PSD3: variants seen among roughly 807,000 people sequenced by gnomAD.
PSD3 encodes the protein PH and SEC7 domain-containing protein 3.
A neutral mutation model predicts 105.5 loss-of-function variants in PSD3; 49 were observed. The observed-to-expected ratio is 0.46, with a 90% CI of 0.37 to 0.59. The LOEUF (loss-of-function observed/expected upper bound fraction) is 0.59, where lower values mean the gene tolerates loss of function less well. PSD3 is among the 20% of genes least tolerant of loss of function. The pLI, the probability that PSD3 is intolerant of heterozygous loss-of-function variation, is 0.00. For synonymous variants in PSD3, 557 were observed against 457.8 expected (o/e 1.22, Z -2.77); for missense variants, 1,561 against 1,263.8 (o/e 1.24, Z -3.57).
At chr8:18,620,818 G>A (rs1286521293) in intron 11 of PSD3, among the ~76,000 whole-genome samples, 1 of 152,096 alleles carries the variant, frequency 6.6e-6, no homozygotes, top group African/African-American at 2.4e-5. Context: ...ATTCCTTTAG[G>A]AAACTAGTAC....
At chr8:19,064,795 G>T (rs532998502) in intron 1 of PSD3, among the ~76,000 whole-genome samples, 15 of 151,306 alleles carry the variant, frequency 9.9e-5, no homozygotes, top group Admixed American at 3.3e-4. Flanking sequence ...GTCCAAACAT[G>T]AAATGCCAGG....
chr8:18,949,354 A>T (rs1024974417), intron 1 of PSD3, among the ~76,000 whole-genome samples: 10 of 145,798 alleles, frequency 6.9e-5, no homozygotes, highest in African/African-American at 2.5e-4. Context: ...CTACTTACAC[A>T]GTATTAATCA....
intron 4 of PSD3, among the ~76,000 whole-genome samples, chr8:18,806,468 A>T (rs1385350096): frequency 1.3e-5 from 2 of 152,220 alleles, no homozygotes; most frequent in Non-Finnish European, 2.9e-5. Context: ...AGGATACATT[A>T]ATTTCCAAAT....
Position 18,723,534 on chromosome 8 carries a change from G to C in PSD3, c.2172+41915C>G, listed in dbSNP as rs544233827. 2.6e-5 allele frequency among the ~76,000 whole-genome samples: 4 copies of C among 152,184 alleles called. No homozygotes were observed. In the South Asian group the frequency reaches 8.3e-4, roughly 32 times the overall value. On this transcript the variant is annotated intron_variant, in intron 9 of 15. Coordinates refer to ENST00000327040, the MANE Select transcript of PSD3 (RefSeq NM_015310.4). ...CTTAGCACAGAGCGACATCCTGAAA[G>C]AAATACAAAAAGACATATGACAGAG... is the stretch of plus-strand genomic sequence containing the variant.
intron 1 of PSD3, among the ~76,000 whole-genome samples, chr8:19,037,119 A>T (rs1478280132): frequency 6.6e-6 from 1 of 152,232 alleles, no homozygotes; most frequent in Non-Finnish European, 1.5e-5. Flanking sequence ...TTGTGGTTTA[A>T]AGGGATATTT....
chr8:18,905,118 T>C (rs535376616), intron 2 of PSD3, among the ~76,000 whole-genome samples: 6 of 152,364 alleles, frequency 3.9e-5, no homozygotes, highest in South Asian at 4.1e-4. Context: ...GACTAGAAGC[T>C]GGATGAAGAA....
intron 1 of PSD3, chr8:19,000,839 G>A (rs1292171575): frequency 6.6e-6 from 1 of 151,836 alleles, no homozygotes; most frequent in East Asian, 1.9e-4. Flanking sequence ...ACTTAGCTAT[G>A]TAACAGCCTA....
intron 13 of PSD3, among the ~76,000 whole-genome samples, chr8:18,573,606 C>G (rs1318625470): frequency 6.6e-6 from 1 of 152,110 alleles, no homozygotes; most frequent in Non-Finnish European, 1.5e-5. Context: ...CACAACTGAA[C>G]AGTATTTAGC....
chr8:18,948,755 A>G (rs1257697080), intron 1 of PSD3, among the ~76,000 whole-genome samples: 2 of 152,190 alleles, frequency 1.3e-5, no homozygotes, highest in African/African-American at 2.4e-5. Flanking sequence ...AGAAGTTCCA[A>G]TAACTTCTGA....
chr8:18,882,376 G>C (rs756638991), intron 2 of PSD3, among the ~76,000 whole-genome samples: 1 of 152,146 alleles, frequency 6.6e-6, no homozygotes, highest in African/African-American at 2.4e-5. Flanking sequence ...CCTGATATTA[G>C]AGCCAGTTCA....
chr8:18,612,068 AAAAC>A (rs1459240335), intron 11 of PSD3, among the ~76,000 whole-genome samples: 1 of 152,258 alleles, frequency 6.6e-6, no homozygotes, highest in Non-Finnish European at 1.5e-5. Context: ...GTAAAGAAGA[AAAAC>A]AAGCTGTACG....
chr8:18,834,228 C>T (rs997285664), intron 4 of PSD3, among the ~76,000 whole-genome samples: 2 of 152,156 alleles, frequency 1.3e-5, no homozygotes, highest in Non-Finnish European at 2.9e-5. Flanking sequence ...TATTTCTAAC[C>T]TAGAAACTAG....
chr8:19,059,347 T>C (rs958222895), intron 1 of PSD3, among the ~76,000 whole-genome samples: 12 of 152,076 alleles, frequency 7.9e-5, no homozygotes, highest in South Asian at 4.2e-4. Context: ...CCATCTCTGT[T>C]GCTACTTCTG....
intron 14 of PSD3, among the ~76,000 whole-genome samples, chr8:18,562,492 G>C (rs1280346525): frequency 2.6e-5 from 4 of 152,188 alleles, no homozygotes; most frequent in Admixed American, 2.6e-4. Flanking sequence ...TCAGCTTTCA[G>C]AGCTCTTGGT....
intron 8 of PSD3, among the ~76,000 whole-genome samples, chr8:18,775,674 A>C (rs555485684): frequency 6.6e-6 from 1 of 152,290 alleles, no homozygotes; most frequent in East Asian, 1.9e-4. Context: ...GCCCATTTTA[A>C]AATCGAGTTA....
chr8:18,557,763 T>C (rs1323532685), intron 14 of PSD3, among the ~76,000 whole-genome samples: 1 of 152,246 alleles, frequency 6.6e-6, no homozygotes, highest in Non-Finnish European at 1.5e-5. Flanking sequence ...AAACCTATTA[T>C]TTGTATACTG....
intron 10 of PSD3, among the ~76,000 whole-genome samples, chr8:18,638,022 G>A (rs1807391919): frequency 6.6e-6 from 1 of 152,034 alleles, no homozygotes; most frequent in African/African-American, 2.4e-5. Flanking sequence ...CCACTGCAGT[G>A]GCAGGTGCCT....
chr8:18,832,620 T>C (rs1399162159), intron 4 of PSD3, among the ~76,000 whole-genome samples: 1 of 152,168 alleles, frequency 6.6e-6, no homozygotes, highest in Admixed American at 6.5e-5. Context: ...GTCAACATAT[T>C]AGTCCATTCT....
intron 9 of PSD3, among the ~76,000 whole-genome samples, chr8:18,697,275 G>T (rs1232668182): frequency 2.0e-5 from 3 of 152,110 alleles, no homozygotes; most frequent in African/African-American, 7.2e-5. Context: ...GGTATCACAG[G>T]CAAGGGGGAG....
Sources: gnomAD v4.1 joint callset for allele counts (sites outside exome capture counted in the v4.1 genomes callset) on GRCh38, gnomAD v4.1.1 for gene constraint, MANE v1.5 for transcripts, NCBI Gene and HGNC (gene_info 2026-07-23, HGNC 2026-07-21) for gene names.